Variants in HACD2 observed in about 807,000 individuals in gnomAD.
HACD2 encodes the protein very-long-chain (3R)-3-hydroxyacyl-CoA dehydratase 2.
Under a neutral mutation model 31.0 loss-of-function variants are expected in HACD2, and 15 were observed. That is an observed-to-expected ratio of 0.48 (90% CI 0.32 to 0.75). The LOEUF (loss-of-function observed/expected upper bound fraction) is 0.75. Ranked by LOEUF, HACD2 falls within the 30% of genes least tolerant of loss-of-function variation. The pLI is 0.03. For synonymous variants in HACD2, 115 were observed against 122.2 expected (o/e 0.94, Z 0.39); for missense variants, 283 against 313.0 (o/e 0.90, Z 0.72).
rs1042698270 is a variant in HACD2, at chr3:123,493,025, T to A, written c.*1863A>T. ...TTATTACACACCTGCCTGCATTAAA[T>A]TTTCAAACTTCTATAAAAATAAGCA... On this transcript the variant is annotated 3_prime_UTR_variant, in exon 7 of 7. Coordinates refer to ENST00000383657, the MANE Select transcript of HACD2 (RefSeq NM_198402.5). 1 of 152,230 alleles carries A rather than the reference T, an allele frequency of 6.6e-6. No individual in the cohort carries two copies. The highest frequency in any genetic ancestry group is 2.4e-5 in the African/African-American group (1 of 41,466). The allele number at this position is 152,230 out of a possible 1,614,324, so 9.4% of individuals were successfully genotyped here.
chr3:123,497,876 T>A (rs2055853938), intron 6 of HACD2, among the ~76,000 whole-genome samples: 1 of 152,198 alleles, frequency 6.6e-6, no homozygotes, highest in Non-Finnish European at 1.5e-5. Context: ...ATATAATACA[T>A]GTGTATCATC....
intron 3 of HACD2, among the ~76,000 whole-genome samples, chr3:123,542,564 CATCT>C (rs780011307): frequency 8.5e-5 from 13 of 152,350 alleles, no homozygotes; most frequent in East Asian, 1.9e-4. Context: ...AAGACTAAAA[CATCT>C]ATCTATCAAC....
At chr3:123,556,615 A>G (rs2056675400) in intron 3 of HACD2, among the ~76,000 whole-genome samples, 2 of 152,190 alleles carry the variant, frequency 1.3e-5, no homozygotes, top group Admixed American at 1.3e-4. Context: ...GTTAAGTTGT[A>G]CATTATTAAA....
chr3:123,546,882 AAG>A (rs1044034891), intron 3 of HACD2, among the ~76,000 whole-genome samples: 2 of 152,226 alleles, frequency 1.3e-5, no homozygotes, highest in African/African-American at 4.8e-5. Context: ...TGACATCAAT[AAG>A]AAAAAATATG....
chr3:123,549,021 T>C (rs1468522039), intron 3 of HACD2, among the ~76,000 whole-genome samples: 1 of 150,598 alleles, frequency 6.6e-6, no homozygotes, highest in Non-Finnish European at 1.5e-5. Flanking sequence ...AGCAATACCA[T>C]TTTGACCATT....
At chr3:123,539,462 C>T (rs1248137620) in intron 3 of HACD2, among the ~76,000 whole-genome samples, 2 of 151,710 alleles carry the variant, frequency 1.3e-5, no homozygotes, top group African/African-American at 2.4e-5. Flanking sequence ...CCCAGCTACT[C>T]GGGAGGCTGA....
intron 4 of HACD2, among the ~76,000 whole-genome samples, chr3:123,522,238 G>C (rs1346716206): frequency 6.6e-6 from 1 of 150,914 alleles, no homozygotes; most frequent in African/African-American, 2.4e-5. Context: ...AGAATAGCTT[G>C]ATCCCAGGAG....
chr3:123,570,417 G>A (rs2056841490), intron 2 of HACD2, among the ~76,000 whole-genome samples: 1 of 152,128 alleles, frequency 6.6e-6, no homozygotes, highest in Non-Finnish European at 1.5e-5. Context: ...CTGTGGACAA[G>A]CACAGGAAAA....
intron 3 of HACD2, among the ~76,000 whole-genome samples, chr3:123,553,092 A>G (rs1158395186): frequency 6.6e-6 from 1 of 152,212 alleles, no homozygotes; most frequent in Non-Finnish European, 1.5e-5. Context: ...GAAGGCCCAA[A>G]TCTACATACT....
In HACD2 at chr3:123,493,169, AC is replaced by A. The variant is rs373448024; in HGVS notation, c.*1718del. ...GGAGATCAAGACCATCCTGGCTAAC[AC>A]GGTGAAACCCCGTCTCTACTAAAAA... On this transcript the variant is annotated 3_prime_UTR_variant, in exon 7 of 7. Coordinates refer to ENST00000383657, the MANE Select transcript of HACD2 (RefSeq NM_198402.5). The A allele has an allele frequency of 2.3e-4, 35 of 152,194 alleles. No homozygotes were observed. The highest frequency in any genetic ancestry group is 8.2e-4 in the African/African-American group (34 of 41,450). The allele number at this position is 152,194 out of a possible 1,614,324, so 9.4% of individuals were successfully genotyped here.
chr3:123,571,901 T>C (rs764290620), intron 2 of HACD2, among the ~76,000 whole-genome samples: 12 of 152,212 alleles, frequency 7.9e-5, no homozygotes, highest in Non-Finnish European at 1.2e-4. Flanking sequence ...TCAGTATTAA[T>C]ATGTACTACA....
At chr3:123,521,099 G>A (rs995933144) in intron 4 of HACD2, among the ~76,000 whole-genome samples, 1 of 152,014 alleles carries the variant, frequency 6.6e-6, no homozygotes. Flanking sequence ...GATACCACCC[G>A]ACAGTATAGA....
At position 123,500,559 on chromosome 3, in the gene HACD2, T is replaced by C; in HGVS notation, c.638A>G (p.Asp213Gly). ...SLPNKYNFSF[D>G]YYAFLILIMI... ...TATTAGAATCAGGAATGCATAGTAG[T>C]CAAAAGAGAAATTGTATTTGTTGGG... The change falls in exon 6 of 7, where the codon GAC (aspartate) becomes GGC (glycine). Residue 213 changes from aspartate to glycine, a missense_variant. Transcript: ENST00000383657. 6.2e-7 allele frequency: 1 copy of C among 1,611,298 alleles called. No individual in the cohort carries two copies. The highest frequency in any genetic ancestry group is 8.5e-7 in the Non-Finnish European group (1 of 1,177,512).
chr3:123,498,480 G>C (rs1167277678), intron 6 of HACD2, among the ~76,000 whole-genome samples: 1 of 152,202 alleles, frequency 6.6e-6, no homozygotes, highest in Non-Finnish European at 1.5e-5. Flanking sequence ...GGGCAAATGA[G>C]CATTACTGCC....
intron 2 of HACD2, among the ~76,000 whole-genome samples, chr3:123,574,317 G>A (rs1029757108): frequency 2.6e-5 from 4 of 152,154 alleles, no homozygotes; most frequent in African/African-American, 7.2e-5. Flanking sequence ...ACTTGGTCAT[G>A]GCAAGCTGGT....
At chr3:123,495,923 C>G (rs1036640908) in intron 6 of HACD2, among the ~76,000 whole-genome samples, 9 of 151,950 alleles carry the variant, frequency 5.9e-5, no homozygotes, top group African/African-American at 2.2e-4. Flanking sequence ...TTTGAGCCAC[C>G]TGGCCTTCAC....
chr3:123,579,037 T>C (rs1229851294), intron 2 of HACD2, among the ~76,000 whole-genome samples: 2 of 152,238 alleles, frequency 1.3e-5, no homozygotes, highest in Admixed American at 6.5e-5. Context: ...GAGTCTTCAC[T>C]TCCTTATGCA....
chr3:123,531,058 G>A (rs1010387472), intron 3 of HACD2, among the ~76,000 whole-genome samples: 1 of 151,592 alleles, frequency 6.6e-6, no homozygotes, highest in Admixed American at 6.6e-5. Context: ...AGTAGAGACG[G>A]GGTTTCACCA....
At chr3:123,519,321 G>A (rs1029501016) in intron 4 of HACD2, among the ~76,000 whole-genome samples, 1 of 152,186 alleles carries the variant, frequency 6.6e-6, no homozygotes, top group Non-Finnish European at 1.5e-5. Flanking sequence ...CTTGGAAAGA[G>A]TCCTCTCTCT....
Sources: gnomAD v4.1 joint callset for allele counts (sites outside exome capture counted in the v4.1 genomes callset) on GRCh38, gnomAD v4.1.1 for gene constraint, MANE v1.5 for transcripts, NCBI Gene and HGNC (gene_info 2026-07-23, HGNC 2026-07-21) for gene names.